Variants in ZNF438 observed in about 807,000 individuals in gnomAD.
ZNF438 encodes the protein zinc finger protein 438.
A neutral mutation model predicts 38.0 loss-of-function variants in ZNF438; 25 were observed. The ratio of observed to expected loss-of-function variants is 0.66; its 90% CI spans 0.48 to 0.92. The LOEUF is 0.92. Among genes scored for constraint, ZNF438 ranks in the 40% least tolerant of loss-of-function variants. ZNF438 has a pLI of 0.00. For synonymous variants in ZNF438, 372 were observed against 364.1 expected, an observed-to-expected ratio of 1.02 and a Z score of -0.25; for missense variants, 1,007 against 999.6, an observed-to-expected ratio of 1.01 and a Z score of -0.10.
chr10:30,969,094 A>AT (rs143390666), intron 1 of ZNF438, among the ~76,000 whole-genome samples: 152 of 151,844 alleles, frequency 1.0e-3, no homozygotes, highest in Non-Finnish European at 1.8e-3. Context: ...TGGAAATAAG[A>AT]TTTTTTTTTC....
intron 4 of ZNF438, among the ~76,000 whole-genome samples, chr10:30,871,438 T>G (rs544658105): frequency 2.6e-5 from 4 of 152,332 alleles, no homozygotes; most frequent in Non-Finnish European, 5.9e-5. Flanking sequence ...GAGAGCCTAC[T>G]ACATGCCAGG....
At chr10:30,851,929 T>C (rs1331978320) in intron 4 of ZNF438, among the ~76,000 whole-genome samples, 1 of 151,884 alleles carries the variant, frequency 6.6e-6, no homozygotes, top group African/African-American at 2.4e-5. Context: ...GAGGCTGAGA[T>C]GGGCGGATCA....
chr10:30,868,787 G>A (rs953140796), intron 4 of ZNF438, among the ~76,000 whole-genome samples: 1 of 152,230 alleles, frequency 6.6e-6, no homozygotes, highest in Non-Finnish European at 1.5e-5. Context: ...TCATGTCACT[G>A]GGGCTGGATA....
intron 1 of ZNF438, among the ~76,000 whole-genome samples, chr10:30,990,933 C>T (rs1320549851): frequency 2.0e-5 from 3 of 151,446 alleles, no homozygotes; most frequent in African/African-American, 7.3e-5. Context: ...CATAGAATTT[C>T]TCCCCAACAA....
chr10:30,902,845 G>A (rs778487601), intron 3 of ZNF438, among the ~76,000 whole-genome samples: 7 of 152,228 alleles, frequency 4.6e-5, no homozygotes, highest in Non-Finnish European at 8.8e-5. Flanking sequence ...GGGACCAGGC[G>A]CCGTGCAGCA....
At chr10:30,867,919 T>G (rs887437743) in intron 4 of ZNF438, among the ~76,000 whole-genome samples, 1 of 152,160 alleles carries the variant, frequency 6.6e-6, no homozygotes. Context: ...TTATATAATG[T>G]TTCAAAAACT....
At chr10:30,860,936 G>A (rs1022688817) in intron 4 of ZNF438, among the ~76,000 whole-genome samples, 3 of 152,158 alleles carry the variant, frequency 2.0e-5, no homozygotes, top group Non-Finnish European at 4.4e-5. Flanking sequence ...TGGGGTTAGG[G>A]ACACTTGCCT....
rs541162116 is a variant in ZNF438 at position 30,866,573 on chromosome 10, G to T, written c.37+10425C>A. On this transcript the variant is annotated intron_variant, in intron 4 of 5. Coordinates refer to ENST00000413025, the Ensembl canonical transcript of ZNF438. ...TTATGGGTCAGGCGCGGTGGCTCAC[G>T]CCTGTAATCCCAGCACTTTGGGAGG... Among the ~76,000 whole-genome samples, 5 of 152,124 alleles carry T rather than the reference G, an allele frequency of 3.3e-5. 1 individual carries two copies. In the South Asian group the frequency reaches 1.0e-3, roughly 32 times the overall value.
chr10:30,860,969 A>G (rs962922815), intron 4 of ZNF438, among the ~76,000 whole-genome samples: 2 of 152,190 alleles, frequency 1.3e-5, no homozygotes, highest in African/African-American at 4.8e-5. Context: ...TATTTTGCCG[A>G]ATAAATTATT....
intron 1 of ZNF438, among the ~76,000 whole-genome samples, chr10:30,942,910 C>T (rs533910117): frequency 1.3e-5 from 2 of 152,336 alleles, no homozygotes; most frequent in East Asian, 3.9e-4. Context: ...AGCGCCCTGT[C>T]CTGCCTTTTC....
At chr10:30,996,925 A>C (rs2054105235) in intron 1 of ZNF438, among the ~76,000 whole-genome samples, 1 of 152,188 alleles carries the variant, frequency 6.6e-6, no homozygotes, top group Admixed American at 6.5e-5. Context: ...GATGGGAGGG[A>C]ACCACACTCC....
At chr10:31,004,272 G>A (rs2054920230) in intron 1 of ZNF438, among the ~76,000 whole-genome samples, 1 of 152,178 alleles carries the variant, frequency 6.6e-6, no homozygotes, top group Admixed American at 6.5e-5. Flanking sequence ...CTCTGGGCTA[G>A]AGATAATAAG....
chr10:30,982,092 TC>T (rs1269744559), intron 1 of ZNF438, among the ~76,000 whole-genome samples: 1 of 55,182 alleles, frequency 1.8e-5, no homozygotes, highest in Admixed American at 1.7e-4. Flanking sequence ...CCATCCTTTT[TC>T]TCTTTCTTTT....
At chr10:30,907,303 A>C (rs1479718670) in intron 3 of ZNF438, among the ~76,000 whole-genome samples, 1 of 152,150 alleles carries the variant, frequency 6.6e-6, no homozygotes, top group African/African-American at 2.4e-5. Flanking sequence ...CTATAGACCA[A>C]AGATACTGGT....
intron 1 of ZNF438, among the ~76,000 whole-genome samples, chr10:30,996,947 T>C (rs2054108207): frequency 6.6e-6 from 1 of 151,978 alleles, no homozygotes; most frequent in African/African-American, 2.4e-5. Flanking sequence ...AAATAACCAA[T>C]GGGTCAAAGA....
chr10:30,989,528 T>C (rs2132475198), intron 1 of ZNF438, among the ~76,000 whole-genome samples: 1 of 152,308 alleles, frequency 6.6e-6, no homozygotes, highest in Non-Finnish European at 1.5e-5. Context: ...TTACATCTCT[T>C]TGTATCCCCT....
At chr10:30,990,962 A>C (rs2053427393) in intron 1 of ZNF438, among the ~76,000 whole-genome samples, 1 of 152,230 alleles carries the variant, frequency 6.6e-6, no homozygotes, top group South Asian at 2.1e-4. Context: ...TAACTGGAAA[A>C]AAAATTGTTT....
chr10:30,993,323 T>C (rs2053696482), intron 1 of ZNF438, among the ~76,000 whole-genome samples: 1 of 152,202 alleles, frequency 6.6e-6, no homozygotes, highest in Non-Finnish European at 1.5e-5. Flanking sequence ...ATGGCATCCA[T>C]GGCATTCTGC....
chr10:30,897,305 T>A (rs2041468733), intron 3 of ZNF438, among the ~76,000 whole-genome samples: 1 of 152,210 alleles, frequency 6.6e-6, no homozygotes. Context: ...ACACAGCCAC[T>A]CTGAAGATTG....
Sources: gnomAD v4.1 joint callset for allele counts (sites outside exome capture counted in the v4.1 genomes callset) on GRCh38, gnomAD v4.1.1 for gene constraint, MANE v1.5 for transcripts, NCBI Gene and HGNC (gene_info 2026-07-23, HGNC 2026-07-21) for gene names.